INPP4B: variants seen among roughly 807,000 people sequenced by gnomAD.
INPP4B encodes inositol polyphosphate 4-phosphatase type II.
Under a neutral mutation model 122.5 loss-of-function variants are expected in INPP4B, and 55 were observed. The observed-to-expected ratio is 0.45, with a 90% CI of 0.36 to 0.56. The LOEUF is 0.56. Ranked by LOEUF, INPP4B falls within the 20% of genes least tolerant of loss-of-function variation. INPP4B has a pLI of 0.00. For missense variants in INPP4B, 1,000 were observed against 1,097.7 expected (o/e 0.91, Z 1.26); for synonymous variants, 403 against 388.7 (o/e 1.04, Z -0.43).
intron 2 of INPP4B, among the ~76,000 whole-genome samples, chr4:142,721,735 T>C (rs1314494936): frequency 6.6e-6 from 1 of 151,936 alleles, no homozygotes; most frequent in Non-Finnish European, 1.5e-5. Flanking sequence ...GCAGGAGAAT[T>C]GCTTGAACCC....
chr4:142,679,207 A>G (rs971842159), intron 2 of INPP4B, among the ~76,000 whole-genome samples: 4 of 152,004 alleles, frequency 2.6e-5, no homozygotes, highest in African/African-American at 9.6e-5. Flanking sequence ...ATACACCTGC[A>G]TGTGATTTCT....
At chr4:142,307,596 C>T (rs1246715564) in intron 8 of INPP4B, among the ~76,000 whole-genome samples, 1 of 152,178 alleles carries the variant, frequency 6.6e-6, no homozygotes, top group Non-Finnish European at 1.5e-5. Context: ...TTATAAACTA[C>T]TGTTCACTGA....
chr4:142,799,831 CAT>C (rs1254948214), intron 1 of INPP4B, among the ~76,000 whole-genome samples: 5 of 151,806 alleles, frequency 3.3e-5, no homozygotes, highest in Admixed American at 2.0e-4. Flanking sequence ...ATATCTTTTA[CAT>C]GTTTTATTTA....
intron 7 of INPP4B, among the ~76,000 whole-genome samples, chr4:142,373,999 A>G (rs1489443351): frequency 6.6e-6 from 1 of 151,942 alleles, no homozygotes. Flanking sequence ...GTCAGTAATT[A>G]GACCATATAA....
intron 2 of INPP4B, chr4:142,660,958 A>G (rs1341337644): frequency 6.6e-6 from 1 of 152,302 alleles, no homozygotes; most frequent in Non-Finnish European, 1.5e-5. Context: ...CCACAGTTAG[A>G]TGTACTTCTT....
At chr4:142,527,892 G>C (rs903756343) in intron 2 of INPP4B, among the ~76,000 whole-genome samples, 1 of 150,830 alleles carries the variant, frequency 6.6e-6, no homozygotes, top group African/African-American at 2.4e-5. Context: ...TTTTCACTTT[G>C]TTGATATGCA....
At position 142,579,886 on chromosome 4, in the gene INPP4B, GATA is replaced by G. The variant is rs1560824482; in HGVS notation, c.-190-117163_-190-117161del. The stretch of plus-strand genomic sequence containing the variant: ...AGATAGATAGATAGGTAGGTAGATA[GATA>G]GATAGATAGATAGATAGATAGATAG... On this transcript the variant is annotated intron_variant, in intron 2 of 25. Coordinates refer to ENST00000262992, the MANE Select transcript of INPP4B (RefSeq NM_001101669.3). 1.4e-4 allele frequency among the ~76,000 whole-genome samples: 18 copies of G among 132,024 alleles called. No homozygotes were observed. In the East Asian group the frequency reaches 3.9e-3, roughly 29 times the overall value. The allele number at this position is 132,024 out of a possible 152,430, so 86.6% of individuals were successfully genotyped here.
chr4:142,680,582 T>C (rs1320106947), intron 2 of INPP4B, among the ~76,000 whole-genome samples: 1 of 151,924 alleles, frequency 6.6e-6, no homozygotes, highest in Non-Finnish European at 1.5e-5. Context: ...AGCAAGTACA[T>C]AATTTAAGCC....
intron 18 of INPP4B, among the ~76,000 whole-genome samples, chr4:142,136,953 T>A (rs1804702750): frequency 6.6e-6 from 1 of 152,164 alleles, no homozygotes. Flanking sequence ...AAAATGGCCA[T>A]ACTGCCCAAG....
intron 17 of INPP4B, among the ~76,000 whole-genome samples, chr4:142,149,563 C>G (rs72935216): frequency 2.0e-3 from 297 of 151,832 alleles, no homozygotes; most frequent in African/African-American, 6.6e-3. Flanking sequence ...AAAACAAAAA[C>G]AAAAACAGAT....
chr4:142,602,074 G>C (rs892742831), intron 2 of INPP4B, among the ~76,000 whole-genome samples: 2 of 151,034 alleles, frequency 1.3e-5, no homozygotes, highest in African/African-American at 4.9e-5. Context: ...TCTACATCTA[G>C]AGCACCTCAT....
At chr4:142,417,194 G>A (rs996808865) in intron 5 of INPP4B, among the ~76,000 whole-genome samples, 4 of 152,156 alleles carry the variant, frequency 2.6e-5, no homozygotes, top group African/African-American at 7.2e-5. Flanking sequence ...CATACAGGAA[G>A]TTTCAGAACA....
chr4:142,571,924 A>T (rs935729683), intron 2 of INPP4B, among the ~76,000 whole-genome samples: 7 of 152,186 alleles, frequency 4.6e-5, no homozygotes, highest in African/African-American at 1.4e-4. Flanking sequence ...AAATTAAATA[A>T]ATCAGCGAAT....
chr4:142,765,060 T>C (rs898396945), intron 1 of INPP4B, among the ~76,000 whole-genome samples: 1 of 152,042 alleles, frequency 6.6e-6, no homozygotes, highest in African/African-American at 2.4e-5. Context: ...AAATAGGAGA[T>C]TAAGCCACAG....
At chr4:142,647,988 C>T (rs939240800) in intron 2 of INPP4B, among the ~76,000 whole-genome samples, 13 of 152,202 alleles carry the variant, frequency 8.5e-5, no homozygotes, top group Non-Finnish European at 1.6e-4. Context: ...TTTTCCTCCA[C>T]CATTCAATCC....
chr4:142,176,607 T>C (rs1435829625), intron 15 of INPP4B, among the ~76,000 whole-genome samples: 1 of 152,158 alleles, frequency 6.6e-6, no homozygotes, highest in South Asian at 2.1e-4. Context: ...ATTCATGCCC[T>C]AGTTGAATGG....
chr4:142,083,787 T>A (rs1454488942), intron 24 of INPP4B, among the ~76,000 whole-genome samples: 2 of 152,106 alleles, frequency 1.3e-5, no homozygotes, highest in Admixed American at 6.5e-5. Context: ...TCCTTTCAAA[T>A]AAATAGTATT....
At chr4:142,405,533 G>A (rs1803129738) in intron 5 of INPP4B, among the ~76,000 whole-genome samples, 1 of 152,092 alleles carries the variant, frequency 6.6e-6, no homozygotes, top group Admixed American at 6.5e-5. Context: ...CATTTCCACT[G>A]ACCACATTTG....
intron 2 of INPP4B, among the ~76,000 whole-genome samples, chr4:142,549,997 T>C (rs1727584293): frequency 6.6e-6 from 1 of 152,138 alleles, no homozygotes; most frequent in African/African-American, 2.4e-5. Context: ...CCAGGTGCAT[T>C]TGAGCCTGTT....
Sources: allele counts gnomAD v4.1 joint callset (sites outside exome capture counted in the v4.1 genomes callset), GRCh38; gene constraint gnomAD v4.1.1; transcripts MANE v1.5; gene names NCBI Gene and HGNC (gene_info 2026-07-23, HGNC 2026-07-21).